KDM4D: variants seen among roughly 807,000 people sequenced by gnomAD.
KDM4D encodes the protein lysine demethylase 4D, also known as lysine-specific demethylase 4D.
For synonymous variants in KDM4D, 254 were observed against 249.1 expected (o/e 1.02, Z -0.19); for missense variants, 427 against 674.8 (o/e 0.63, Z 4.07).
At chr11:94,986,053 T>A (rs1332161376) in intron 2 of KDM4D, among the ~76,000 whole-genome samples, 1 of 152,114 alleles carries the variant, frequency 6.6e-6, no homozygotes, top group Non-Finnish European at 1.5e-5. Context: ...TAAGACGGGC[T>A]TCATCAAAAT....
At chr11:94,986,143 C>T (rs1354979091) in intron 2 of KDM4D, among the ~76,000 whole-genome samples, 2 of 152,108 alleles carry the variant, frequency 1.3e-5, no homozygotes, top group African/African-American at 4.8e-5. Context: ...ATTTTCAAAT[C>T]ATATATCCAG....
At chr11:94,986,641 G>A (rs1451571914) in intron 2 of KDM4D, among the ~76,000 whole-genome samples, 2 of 152,078 alleles carry the variant, frequency 1.3e-5, no homozygotes, top group Non-Finnish European at 2.9e-5. Context: ...CTTTTTACCT[G>A]CTAGAATTGC....
At chr11:94,984,021 A>G (rs1555097881) in intron 2 of KDM4D, among the ~76,000 whole-genome samples, 1 of 152,206 alleles carries the variant, frequency 6.6e-6, no homozygotes, top group African/African-American at 2.4e-5. Flanking sequence ...AATAGGAAAC[A>G]CTGGAAGTAA....
At chr11:94,989,832 A>G (rs1857919826) in intron 2 of KDM4D, among the ~76,000 whole-genome samples, 1 of 147,102 alleles carries the variant, frequency 6.8e-6, no homozygotes, top group South Asian at 2.1e-4. Context: ...GCTCACTGCA[A>G]CCTCCGCCAG....
Position 94,997,257 on chromosome 11 carries a change from G to A in KDM4D, c.-116G>A, listed in dbSNP as rs1857982686. 2.8e-6 allele frequency: 2 copies of A among 709,844 alleles called. No homozygotes were observed. The highest frequency in any genetic ancestry group is 4.4e-6 in the Non-Finnish European group (2 of 452,846). The allele number at this position is 709,844 out of a possible 1,614,324, so 44.0% of individuals were successfully genotyped here. On this transcript the variant is annotated 5_prime_UTR_variant, in exon 3 of 3. Transcript: ENST00000335080. ...TCATTTGCAAAAAAAAAAGTACGCTGGTAGATCCTGCTACCTCATAGATAA... is the reference window on the plus strand; with the variant it reads ...TCATTTGCAAAAAAAAAAGTACGCTAGTAGATCCTGCTACCTCATAGATAA...
At chr11:94,995,622 A>G (rs1857969427) in intron 2 of KDM4D, among the ~76,000 whole-genome samples, 1 of 152,212 alleles carries the variant, frequency 6.6e-6, no homozygotes, top group Non-Finnish European at 1.5e-5. Context: ...ATGTCAAGAC[A>G]TCAGTAAAAT....
chr11:94,989,748 CTT>C (rs1491463518), intron 2 of KDM4D, among the ~76,000 whole-genome samples: 8 of 74,632 alleles, frequency 1.1e-4, no homozygotes, highest in South Asian at 6.2e-4. Context: ...CTCTCTCTCT[CTT>C]TCTTTTTTTT....
At chr11:94,976,426 G>T (rs1857797635) in intron 2 of KDM4D, among the ~76,000 whole-genome samples, 2 of 152,030 alleles carry the variant, frequency 1.3e-5, no homozygotes, top group African/African-American at 4.8e-5. Flanking sequence ...TTTTTCCGCA[G>T]ATCTATCGAG....
At chr11:94,980,814 A>G (rs1555097482) in intron 2 of KDM4D, among the ~76,000 whole-genome samples, 2 of 152,174 alleles carry the variant, frequency 1.3e-5, no homozygotes, top group Non-Finnish European at 2.9e-5. Flanking sequence ...CAAAGGGTCT[A>G]TTCAGAGATC....
rs148730651 is a variant in KDM4D, at chr11:94,978,974, T to A, written c.-350+3226T>A. ...TCTAAAATCATGGTGGGAATTTTTT[T>A]AAGATAAATTTCTCTCAGACGAGCA... On this transcript the variant is annotated intron_variant, in intron 2 of 2. Transcript: ENST00000335080. 1.0e-2 allele frequency among the ~76,000 whole-genome samples: 1,516 copies of A among 152,280 alleles called. 14 individuals are homozygous for A. Among genetic ancestry groups the A allele is most frequent in the South Asian group, 0.045 (217 of 4,832 alleles).
rs1029905266 is a variant in KDM4D, at chr11:94,998,618, A to T, written c.1246A>T (p.Thr416Ser). 1.9e-6 allele frequency: 3 copies of T among 1,614,036 alleles called. No individual in the cohort carries two copies. Among genetic ancestry groups the T allele is most frequent in the African/African-American group, 1.3e-5 (1 of 74,944 alleles). Residue 416 changes from threonine to serine, a missense_variant, in exon 3 of 3, where the codon ACG becomes TCG. Thr to Ser is a moderately conservative substitution (Grantham distance 58). Coordinates refer to ENST00000335080, the MANE Select transcript of KDM4D (RefSeq NM_018039.3). This position sits in a 1 kb window ranked among gnomAD's most constrained non-coding sequence, Gnocchi z 6.7. Reference protein sequence around the residue: ...PRRSAVSGTATQPRAAAVHSS... With the variant: ...PRRSAVSGTASQPRAAAVHSS... ...CCGATCTGCAGTTAGTGGCACTGCT[A>T]CGCAGCCCCGGGCTGCTGCTGTCCA...
intron 2 of KDM4D, among the ~76,000 whole-genome samples, chr11:94,981,770 T>A (rs587749417): frequency 6.6e-6 from 1 of 151,882 alleles, no homozygotes; most frequent in African/African-American, 2.4e-5. Flanking sequence ...TTTATTAGAC[T>A]TTTTTAAAAA....
At chr11:94,987,141 GC>G (rs1857894613) in intron 2 of KDM4D, among the ~76,000 whole-genome samples, 1 of 152,176 alleles carries the variant, frequency 6.6e-6, no homozygotes, top group Admixed American at 6.5e-5. Flanking sequence ...ATTAGTGGTT[GC>G]CTGGAGTTGG....
chr11:94,989,032 G>A (rs1857911919), intron 2 of KDM4D, among the ~76,000 whole-genome samples: 1 of 152,174 alleles, frequency 6.6e-6, no homozygotes, highest in Non-Finnish European at 1.5e-5. Context: ...AGTACCAGAT[G>A]TGTTTTATGC....
chr11:94,975,520 C>G (rs1857790502), intron 1 of KDM4D, 134 bp from the exon 2 acceptor site: 2 of 152,052 alleles, frequency 1.3e-5, no homozygotes, highest in East Asian at 1.9e-4. Context: ...TAATACTACT[C>G]TAAGGATTAA....
Position 94,998,987 on chromosome 11 carries a change from A to G in KDM4D, c.*43A>G. ...ATATCCCACTGCCCTGCTGTGTGACAGTTTGATGAAACTGGTTACATTTAC... is the reference window on the plus strand; with the variant it reads ...ATATCCCACTGCCCTGCTGTGTGACGGTTTGATGAAACTGGTTACATTTAC... On this transcript the variant is annotated 3_prime_UTR_variant, in exon 3 of 3. Transcript: ENST00000335080. The surrounding 1 kb of genome is among the most constrained non-coding windows in gnomAD (Gnocchi z 6.7). 6.8e-7 allele frequency: 1 copy of G among 1,463,938 alleles called. No homozygotes were observed. The highest frequency in any genetic ancestry group is 9.0e-7 in the Non-Finnish European group (1 of 1,105,530). 90.7% of individuals were successfully genotyped at this position (1,463,938 alleles called of 1,614,324 possible).
chr11:94,997,460 G>T lies in KDM4D; in HGVS notation c.88G>T (p.Asp30Tyr), dbSNP rs1857984950. Residue 30 changes from aspartate to tyrosine, a missense_variant, in exon 3 of 3, where the codon GAT (aspartate) becomes TAT (tyrosine). By Grantham distance (160) the Asp-to-Tyr change is radical. Coordinates refer to ENST00000335080, the MANE Select transcript of KDM4D (RefSeq NM_018039.3). The part of the protein sequence containing the change: ...IFHPTKEEFN[D>Y]FDKYIAYMES... ...TCATCCAACCAAAGAAGAGTTTAAT[G>T]ATTTTGATAAATATATTGCTTACAT... The T allele has an allele frequency of 4.3e-6, 7 of 1,613,930 alleles. No individual in the cohort carries two copies. In the South Asian group the frequency reaches 6.6e-5, roughly 15 times the overall value.
chr11:94,985,702 A>G (rs1340295667), intron 2 of KDM4D, among the ~76,000 whole-genome samples: 3 of 152,238 alleles, frequency 2.0e-5, no homozygotes, highest in Non-Finnish European at 4.4e-5. Flanking sequence ...GCTCTAATAG[A>G]CATTGCTAAT....
chr11:94,979,913 G>T (rs1857830190), intron 2 of KDM4D, among the ~76,000 whole-genome samples: 1 of 151,964 alleles, frequency 6.6e-6, no homozygotes, highest in Non-Finnish European at 1.5e-5. Context: ...TCATTTGGTG[G>T]GTATATAGTG....
Sources: allele counts gnomAD v4.1 joint callset (sites outside exome capture counted in the v4.1 genomes callset), GRCh38; gene constraint gnomAD v4.1.1; non-coding constraint Gnocchi (gnomAD v3.1); transcripts MANE v1.5; gene names NCBI Gene and HGNC (gene_info 2026-07-23, HGNC 2026-07-21).